The following AHNAK variants were observed in gnomAD, a reference collection of about 807,000 sequenced individuals.
AHNAK encodes neuroblast differentiation-associated protein AHNAK.
AHNAK carries 23 observed loss-of-function variants against 37.8 expected under a neutral mutation model. That is an observed-to-expected ratio of 0.61 (90% CI 0.44 to 0.86). The LOEUF is 0.86. AHNAK is among the 40% of genes least tolerant of loss of function. AHNAK has a pLI of 0.00. For missense variants in AHNAK, 7,411 were observed against 7,319.4 expected, an observed-to-expected ratio of 1.01 and a Z score of -0.46; for synonymous variants, 2,481 against 2,636.3, an observed-to-expected ratio of 0.94 and a Z score of 1.80.
Position 62,536,065 on chromosome 11 carries a change from G to A in AHNAK, c.34C>T (p.Leu12=). 1 of 1,602,238 alleles carries A rather than the reference G, an allele frequency of 6.2e-7. No individual in the cohort carries two copies. Residue 12 remains leucine, a synonymous_variant, in exon 3 of 5, where the codon CTG becomes TTG. Transcript: ENST00000378024. ...EKEETTRELL[L]PNWQGSGSHG... ...GAGCCACTACCCTGCCAGTTGGGCA[G>A]CAGCAGCTCCCGGGTTGTCTCCTCC...
intron 5 of AHNAK, among the ~76,000 whole-genome samples, chr11:62,478,978 T>C (rs1453380593): frequency 6.6e-6 from 1 of 151,840 alleles, no homozygotes; most frequent in Non-Finnish European, 1.5e-5. Flanking sequence ...TGGATTCAAG[T>C]GATTCTCCTG....
chr11:62,516,540 G>A lies in AHNAK; in HGVS notation c.*204C>T, dbSNP rs944379726. 9.9e-6 allele frequency: 14 copies of A among 1,419,174 alleles called. No homozygotes were observed. In the Admixed American group the frequency reaches 1.2e-4, roughly 12 times the overall value. The allele number at this position is 1,419,174 out of a possible 1,614,324, so 87.9% of individuals were successfully genotyped here. ...TGTTGACTTTGCACATGGGCTGGAC[G>A]AACTTGGAACTCTTTACCTATCTGT... On this transcript the variant is annotated 3_prime_UTR_variant, in exon 5 of 5. Transcript: ENST00000378024.
intron 5 of AHNAK, among the ~76,000 whole-genome samples, chr11:62,469,250 T>C (rs1938979345): frequency 6.6e-6 from 1 of 151,982 alleles, no homozygotes; most frequent in Non-Finnish European, 1.5e-5. Flanking sequence ...GCCTCCAGAG[T>C]ACCTAGGACT....
At position 62,526,625 on chromosome 11, in the gene AHNAK, C is replaced by T; in HGVS notation, c.7792G>A (p.Asp2598Asn). 1 of 1,613,738 alleles carries T rather than the reference C, an allele frequency of 6.2e-7. No homozygotes were observed. Among genetic ancestry groups the T allele is most frequent in the East Asian group, 2.2e-5 (1 of 44,856 alleles). Residue 2598 changes from aspartate to asparagine, a missense_variant, in exon 5 of 5, where the codon GAT becomes AAT. Asp to Asn is a conservative substitution (Grantham distance 23). Coordinates refer to ENST00000378024, the MANE Select transcript of AHNAK (RefSeq NM_001620.3). ...LKGPKVKGDV[D>N]VSLPKVEGDL... ...CCTTCCACTTTGGGCAGAGAAACAT[C>T]CACATCGCCCTTCACCTTGGGACCT...
Position 62,533,346 on chromosome 11 carries a change from A to C in AHNAK, c.1071T>G (p.Ser357Arg), listed in dbSNP as rs747262522. ...GGCCCTCAATATTGGCAGAGGGCAC[A>C]CTGACTTCCAGCTGAGGGGCTTGGA... Reference protein sequence around the residue: ...LTIQAPQLEVSVPSANIEGLE... With the variant: ...LTIQAPQLEVRVPSANIEGLE... Residue 357 changes from serine (S) to arginine (R), a missense_variant, in exon 5 of 5, where the codon AGT becomes AGG. Coordinates refer to ENST00000378024, the MANE Select transcript of AHNAK (RefSeq NM_001620.3). 7.1e-6 allele frequency: 11 copies of C among 1,558,544 alleles called. No homozygotes were observed. In the African/African-American group the frequency reaches 1.4e-4, roughly 19 times the overall value.
intron 4 of AHNAK, among the ~76,000 whole-genome samples, chr11:62,500,826 T>C (rs1006577017): frequency 6.6e-6 from 1 of 152,238 alleles, no homozygotes; most frequent in East Asian, 1.9e-4. Flanking sequence ...AGCTGAGTTT[T>C]GAACAAGGCA....
intron 5 of AHNAK, among the ~76,000 whole-genome samples, chr11:62,482,323 G>A (rs1056306850): frequency 3.3e-5 from 5 of 152,034 alleles, no homozygotes; most frequent in Non-Finnish European, 5.9e-5. Context: ...GCTGAGGCAG[G>A]AGAATCATTT....
chr11:62,451,302 C>G (rs996800570), intron 5 of AHNAK, among the ~76,000 whole-genome samples: 1 of 151,044 alleles, frequency 6.6e-6, no homozygotes, highest in Non-Finnish European at 1.5e-5. Flanking sequence ...CGCTTCCCAT[C>G]CAGGACCCTC....
At chr11:62,440,765 C>T (rs1283340097) in intron 5 of AHNAK, among the ~76,000 whole-genome samples, 1 of 152,146 alleles carries the variant, frequency 6.6e-6, no homozygotes, top group Non-Finnish European at 1.5e-5. Flanking sequence ...AAGGCAGATC[C>T]CCAGGACAGT....
In AHNAK at chr11:62,533,796, T is replaced by C. The variant is rs768394185; in HGVS notation, c.621A>G (p.Arg207=). Residue 207 remains arginine, a synonymous_variant, in exon 5 of 5, where the codon AGA becomes AGG. Transcript: ENST00000378024. ...AGGCTGCCCCCGAGCCCGAGGGCAG[T>C]CTGATCACGGTCTTCCCAGACTGGG... ...VETQSGKTVI[R]LPSGSGAASP... 6.2e-7 allele frequency: 1 copy of C among 1,614,188 alleles called. No homozygotes were observed. Among genetic ancestry groups the C allele is most frequent in the South Asian group, 1.1e-5 (1 of 91,084 alleles).
chr11:62,490,288 G>C (rs1373864501), intron 5 of AHNAK, among the ~76,000 whole-genome samples: 11 of 135,902 alleles, frequency 8.1e-5, no homozygotes, highest in African/African-American at 3.1e-4. Context: ...TGCAACCTCC[G>C]CCTCCCGGGT....
rs146818167 is a variant in AHNAK at position 62,527,318 on chromosome 11, C to T, written c.7099G>A (p.Gly2367Ser). 19 of 1,613,548 alleles carry T rather than the reference C, an allele frequency of 1.2e-5. No homozygotes were observed. The African/African-American group carries it at 2.1e-4, about 18-fold the overall frequency. The change falls in exon 5 of 5, where the codon GGC becomes AGC. Residue 2367 changes from glycine to serine, a missense_variant. Transcript: ENST00000378024. ...MPEVAVEGPN[G>S]KWKTPKFKMP... Reference sequence around the variant, plus strand: ...TTGAACTTAGGAGTTTTCCACTTGCCATTTGGGCCTTCCACAGCTACTTCT... The same window carrying T: ...TTGAACTTAGGAGTTTTCCACTTGCTATTTGGGCCTTCCACAGCTACTTCT...
rs774665884 is a variant in AHNAK at position 62,521,246 on chromosome 11, C to A, written c.13171G>T (p.Asp4391Tyr). ...ACTTTGGGACCCTTCAAGTTAAAGTCAATGTCAGGCATGGAGATTTTGGGG... is the reference window on the plus strand; with the variant it reads ...ACTTTGGGACCCTTCAAGTTAAAGTAAATGTCAGGCATGGAGATTTTGGGG... ...KAPKISMPDI[D>Y]FNLKGPKVKG... Residue 4391 changes from aspartate (D) to tyrosine (Y), a missense_variant, in exon 5 of 5, where the codon GAC (aspartate) becomes TAC (tyrosine). Coordinates refer to ENST00000378024, the MANE Select transcript of AHNAK (RefSeq NM_001620.3). 1 of 1,613,982 alleles carries A rather than the reference C, an allele frequency of 6.2e-7. No individual in the cohort carries two copies. Among genetic ancestry groups the A allele is most frequent in the Non-Finnish European group, 8.5e-7 (1 of 1,179,996 alleles).
At chr11:62,493,582 C>A (rs981574035) in intron 4 of AHNAK, among the ~76,000 whole-genome samples, 1 of 151,004 alleles carries the variant, frequency 6.6e-6, no homozygotes, top group Non-Finnish European at 1.5e-5. Context: ...TATCCACTCA[C>A]CTCGGCCTCC....
chr11:62,444,610 A>T (rs1938385511), intron 5 of AHNAK, among the ~76,000 whole-genome samples: 2 of 152,212 alleles, frequency 1.3e-5, no homozygotes, highest in Non-Finnish European at 1.5e-5. Context: ...ATTTATCTCC[A>T]AAGTGTCCGG....
At chr11:62,511,029 G>A (rs141817474), downstream of AHNAK, among the ~76,000 whole-genome samples, 211 of 152,262 alleles carry the variant, frequency 1.4e-3, 1 homozygote, top group African/African-American at 4.8e-3. Flanking sequence ...CTCTGAAGCA[G>A]GACATGTATA....
chr11:62,535,143 C>T lies in AHNAK; in HGVS notation c.202G>A (p.Gly68Ser). ...GTGTTCAGCAGCTGGGTCACCTCAC[C>T]CGACTGCAGGTTGTCAAAGTAGATG... ...ATIYFDNLQSGEVTQLLNTMG... is the reference protein window; with the variant it reads ...ATIYFDNLQSSEVTQLLNTMG... The change falls in exon 4 of 5, where the codon GGT (glycine) becomes AGT (serine). Residue 68 changes from glycine (G) to serine (S), a missense_variant. Coordinates refer to ENST00000378024, the MANE Select transcript of AHNAK (RefSeq NM_001620.3). The T allele has an allele frequency of 1.2e-6, 2 of 1,613,216 alleles. No individual in the cohort carries two copies. Among genetic ancestry groups the T allele is most frequent in the Non-Finnish European group, 1.7e-6 (2 of 1,179,248 alleles).
chr11:62,491,001 T>A (rs1467189414), intron 5 of AHNAK, among the ~76,000 whole-genome samples: 1 of 152,178 alleles, frequency 6.6e-6, no homozygotes, highest in African/African-American at 2.4e-5. Flanking sequence ...TTGGCTAGGC[T>A]GGTCTTGAAC....
In AHNAK at chr11:62,516,861, C is replaced by A. The variant is rs373143517; in HGVS notation, c.17556G>T (p.Gly5852=). The A allele has an allele frequency of 6.2e-7, 1 of 1,614,018 alleles. No homozygotes were observed. Among genetic ancestry groups the A allele is most frequent in the Non-Finnish European group, 8.5e-7 (1 of 1,180,042 alleles). Residue 5852 remains glycine (G), a synonymous_variant, in exon 5 of 5, where the codon GGG becomes GGT. Coordinates refer to ENST00000378024, the MANE Select transcript of AHNAK (RefSeq NM_001620.3). ...DDETGKLQGS[G]VSLASKKSRL... ...GGGACTTCTTAGAGGCCAGGGACAC[C>A]CCACTCCCCTGTAACTTGCCTGTCT... is the stretch of plus-strand genomic sequence containing the variant.
Sources: allele counts gnomAD v4.1 joint callset (sites outside exome capture counted in the v4.1 genomes callset), GRCh38; gene constraint gnomAD v4.1.1; transcripts MANE v1.5; gene names NCBI Gene and HGNC (gene_info 2026-07-23, HGNC 2026-07-21).